Variants in ADGRV1 observed in about 807,000 individuals in gnomAD.
The protein encoded by ADGRV1 is adhesion G protein-coupled receptor V1.
In ADGRV1, 359 loss-of-function variants were observed where a neutral mutation model predicts 596.2. The observed-to-expected ratio is 0.60, with a 90% CI of 0.55 to 0.66. The LOEUF is 0.66. ADGRV1 is among the 30% of genes least tolerant of loss of function. The probability of loss-of-function intolerance (pLI) is 0.00; values close to 1 mark genes in which losing one functional copy is unlikely to be tolerated. For synonymous variants in ADGRV1, 2,681 were observed against 2,679.2 expected, an observed-to-expected ratio of 1.00 and a Z score of -0.02; for missense variants, 7,274 against 7,575.6, an observed-to-expected ratio of 0.96 and a Z score of 1.48.
In ADGRV1 at chr5:90,989,805, A is replaced by G. The variant is rs554667910; in HGVS notation, c.18152+4283A>G. On this transcript the variant is annotated intron_variant, in intron 85 of 89. Coordinates refer to ENST00000405460, the MANE Select transcript of ADGRV1 (RefSeq NM_032119.4). ...GTAACTGAATTGCTTGATGTTTCCCATGATCTCTTATTTCTTTTTTATTTT... is the reference window on the plus strand; with the variant it reads ...GTAACTGAATTGCTTGATGTTTCCCGTGATCTCTTATTTCTTTTTTATTTT... 8.6e-5 allele frequency among the ~76,000 whole-genome samples: 13 copies of G among 152,026 alleles called. 1 individual carries two copies. In the South Asian group the frequency reaches 2.7e-3, roughly 32 times the overall value.
chr5:91,163,785 C>A lies in ADGRV1; in HGVS notation c.18806C>A (p.Ala6269Asp). 1 of 1,451,870 alleles carries A rather than the reference C, an allele frequency of 6.9e-7. No homozygotes were observed. 89.9% of individuals were successfully genotyped at this position (1,451,870 alleles called of 1,614,324 possible). The change falls in exon 90 of 90, where the codon GCT (alanine) becomes GAT (aspartate). Residue 6269 changes from alanine (A) to aspartate (D), a missense_variant. Transcript: ENST00000405460. ...GTTCATTCTATTTCTGTGGCAGGTGCTGGTCTCAGTGTCAGTGATAATGAA... is the reference window on the plus strand; with the variant it reads ...GTTCATTCTATTTCTGTGGCAGGTGATGGTCTCAGTGTCAGTGATAATGAA... ...DDLIFALKTG[A>D]GLSVSDNESG... is the part of the protein sequence containing the mutation.
At chr5:90,732,982 G>T (rs932997609) in intron 50 of ADGRV1, among the ~76,000 whole-genome samples, 3 of 152,190 alleles carry the variant, frequency 2.0e-5, no homozygotes, top group Admixed American at 6.5e-5. Context: ...AATGGCAAAT[G>T]ATGATCAAAG....
intron 75 of ADGRV1, among the ~76,000 whole-genome samples, chr5:90,819,801 T>G (rs1763292578): frequency 6.6e-6 from 1 of 152,208 alleles, no homozygotes; most frequent in African/African-American, 2.4e-5. Context: ...TAATCTCTGT[T>G]CTTTTACATT....
intron 86 of ADGRV1, among the ~76,000 whole-genome samples, chr5:91,076,442 C>A (rs1320252612): frequency 2.0e-5 from 3 of 152,006 alleles, no homozygotes; most frequent in Non-Finnish European, 2.9e-5. Context: ...ATCTCTGTAT[C>A]CCCAGGGCCT....
chr5:90,748,556 T>G (rs2222241), intron 52 of ADGRV1, among the ~76,000 whole-genome samples: 58,358 of 151,940 alleles, frequency 0.38, 12,223 homozygotes, highest in Admixed American at 0.54. Context: ...ATGTGGCCAG[T>G]GGCTACTGTG....
chr5:90,596,344 G>A (rs1468113757), intron 1 of ADGRV1, among the ~76,000 whole-genome samples: 5 of 150,716 alleles, frequency 3.3e-5, no homozygotes, highest in Admixed American at 6.6e-5. Context: ...CATCCCAGAC[G>A]ATGGGCGGCC....
intron 77 of ADGRV1, among the ~76,000 whole-genome samples, chr5:90,831,464 A>T (rs1419857436): frequency 6.6e-6 from 1 of 152,016 alleles, no homozygotes; most frequent in Non-Finnish European, 1.5e-5. Context: ...TATTAATGGG[A>T]TACATGAGAT....
intron 52 of ADGRV1, 96 bp from the exon 53 acceptor site, chr5:90,750,455 A>G (rs2149945131): frequency 9.7e-7 from 1 of 1,033,482 alleles, no homozygotes; most frequent in Non-Finnish European, 1.4e-6. Flanking sequence ...GCTTAGGACC[A>G]CAAAGTTTGC....
chr5:90,792,930 C>T (rs549757281), intron 70 of ADGRV1: 13 of 152,272 alleles, frequency 8.5e-5, no homozygotes, highest in African/African-American at 2.6e-4. Flanking sequence ...TTCAGCCTCA[C>T]GTGCACATCT....
intron 78 of ADGRV1, among the ~76,000 whole-genome samples, chr5:90,846,790 T>A (rs1190771334): frequency 6.6e-6 from 1 of 152,330 alleles, no homozygotes; most frequent in East Asian, 1.9e-4. Flanking sequence ...GGCAGCCTGC[T>A]TTTATTCTCT....
intron 87 of ADGRV1, among the ~76,000 whole-genome samples, chr5:91,147,292 A>G (rs1795627962): frequency 6.6e-6 from 1 of 152,160 alleles, no homozygotes; most frequent in Non-Finnish European, 1.5e-5. Context: ...TAGATTCCTA[A>G]CATGTTCTGT....
chr5:90,627,473 C>T lies in ADGRV1; in HGVS notation c.935C>T (p.Ser312Phe). 1 of 1,613,944 alleles carries T rather than the reference C, an allele frequency of 6.2e-7. No homozygotes were observed. The highest frequency in any genetic ancestry group is 8.5e-7 in the Non-Finnish European group (1 of 1,179,864). The change falls in exon 7 of 90, where the codon TCC (serine) becomes TTC (phenylalanine). Residue 312 changes from serine to phenylalanine, a missense_variant. Physicochemically the swap from Ser to Phe is radical, Grantham distance 155. Around this residue, in one of 5 missense-constraint regions of ADGRV1, gnomAD observed 1,715 missense variants for 1,708.8 expected, o/e 1.00. Transcript: ENST00000405460. The stretch of plus-strand genomic sequence containing the variant: ...AGTTATGCTGTCACAACTGGGAATT[C>T]CACAGCACATGCCCAGCAAAATCTG... ...SISYAVTTGN[S>F]TAHAQQNLDF...
intron 83 of ADGRV1, among the ~76,000 whole-genome samples, chr5:90,921,319 T>C (rs1199216807): frequency 6.6e-6 from 1 of 152,202 alleles, no homozygotes; most frequent in Non-Finnish European, 1.5e-5. Context: ...TATGACAGTC[T>C]TCCTTATTTA....
intron 83 of ADGRV1, among the ~76,000 whole-genome samples, chr5:90,925,239 G>A (rs1217061897): frequency 2.6e-5 from 4 of 151,610 alleles, no homozygotes; most frequent in Admixed American, 6.6e-5. Flanking sequence ...CCATTTTCAC[G>A]ATATTGATTC....
chr5:90,745,692 A>G lies in ADGRV1; in HGVS notation c.10871A>G (p.Gln3624Arg). 1 of 1,612,420 alleles carries G rather than the reference A, an allele frequency of 6.2e-7. No individual in the cohort carries two copies. Residue 3624 changes from glutamine to arginine, a missense_variant, in exon 52 of 90, where the codon CAA becomes CGA. Coordinates refer to ENST00000405460, the MANE Select transcript of ADGRV1 (RefSeq NM_032119.4). ...VPEKEESFKV[Q>R]LKNPKGGAEI... ...GAAAAAGAAGAATCCTTCAAAGTTC[A>G]ACTTAAAAATCCCAAAGGAGGAGCA... is the stretch of plus-strand genomic sequence containing the variant.
intron 89 of ADGRV1, among the ~76,000 whole-genome samples, chr5:91,153,749 T>C (rs1305799547): frequency 6.6e-6 from 1 of 152,244 alleles, no homozygotes; most frequent in African/African-American, 2.4e-5. Context: ...AAAGAGACCT[T>C]CTTATGCAGT....
Position 91,141,749 on chromosome 5 carries a change from C to T in ADGRV1, c.18433-8281C>T, listed in dbSNP as rs146100579. On this transcript the variant is annotated intron_variant, in intron 87 of 89. Transcript: ENST00000405460. ...CTAAGTCATTGGTGATGCAAAACAG[C>T]AGTAGGTCAGCAGCCCAAGAGCTGT... Among the ~76,000 whole-genome samples the T allele has an allele frequency of 5.6e-3, 846 of 152,252 alleles. 1 individual carries two copies. Among genetic ancestry groups the T allele is most frequent in the Non-Finnish European group, 8.6e-3 (588 of 68,014 alleles).
intron 77 of ADGRV1, among the ~76,000 whole-genome samples, chr5:90,834,182 A>G (rs760675453): frequency 3.9e-5 from 6 of 152,238 alleles, no homozygotes; most frequent in Non-Finnish European, 8.8e-5. Flanking sequence ...GTTACACACC[A>G]AAATTACAGT....
At chr5:91,089,902 C>A (rs1475762364) in intron 86 of ADGRV1, among the ~76,000 whole-genome samples, 1 of 152,118 alleles carries the variant, frequency 6.6e-6, no homozygotes, top group African/African-American at 2.4e-5. Context: ...CTGTTAGCTG[C>A]CTGAGCATGC....
Sources: allele counts gnomAD v4.1 joint callset (sites outside exome capture counted in the v4.1 genomes callset), GRCh38; gene constraint gnomAD v4.1.1; regional missense constraint gnomAD v4.1.1; transcripts MANE v1.5; gene names NCBI Gene and HGNC (gene_info 2026-07-23, HGNC 2026-07-21).